Variants in MSI1 observed in about 807,000 individuals in gnomAD.
MSI1 encodes RNA-binding protein Musashi homolog 1.
MSI1 carries 15 observed loss-of-function variants against 54.4 expected under a neutral mutation model. The ratio of observed to expected loss-of-function variants is 0.28; its 90% CI spans 0.18 to 0.42. The LOEUF is 0.42. Among genes scored for constraint, MSI1 ranks in the 20% least tolerant of loss-of-function variants. MSI1 has a pLI of 1.00. For synonymous variants in MSI1, 200 were observed against 196.5 expected (o/e 1.02, Z -0.15); for missense variants, 304 against 506.0 (o/e 0.60, Z 3.83).
At position 120,368,324 on chromosome 12, in the gene MSI1, C is replaced by T; in HGVS notation, c.101-51G>A. 1 of 1,454,954 alleles carries T rather than the reference C, an allele frequency of 6.9e-7. No homozygotes were observed. 90.1% of individuals were successfully genotyped at this position (1,454,954 alleles called of 1,614,324 possible). Reference sequence around the variant, plus strand: ...CCAGCCCGGGCCCCGCGCCCTTCCCCCCCCCCCGTCCTTTGCCCCCGGTGA... The same window carrying T: ...CCAGCCCGGGCCCCGCGCCCTTCCCTCCCCCCCGTCCTTTGCCCCCGGTGA... On this transcript the variant is annotated intron_variant, in intron 2 of 14. Coordinates refer to ENST00000257552, the MANE Select transcript of MSI1 (RefSeq NM_002442.4). This position sits in a 1 kb window ranked among gnomAD's most constrained non-coding sequence, Gnocchi z 6.6.
At position 120,363,082 on chromosome 12, in the gene MSI1, C is replaced by T. The variant is rs756635174; in HGVS notation, c.363G>A (p.Thr121=). The T allele has an allele frequency of 1.5e-5, 24 of 1,614,020 alleles. No homozygotes were observed. The Admixed American group carries it at 2.5e-4, about 17-fold the overall frequency. The change falls in exon 6 of 15, where the codon ACG becomes ACA. Residue 121 remains threonine, a synonymous_variant. Coordinates refer to ENST00000257552, the MANE Select transcript of MSI1 (RefSeq NM_002442.4). The part of the protein sequence containing the change: ...IFVGGLSVNT[T]VEDVKQYFEQ... ...CAAAATATTGCTTCACGTCCTCCACCGTGGTGTTCACCGACAGCCCCCCCA... is the reference window on the plus strand; with the variant it reads ...CAAAATATTGCTTCACGTCCTCCACTGTGGTGTTCACCGACAGCCCCCCCA...
At chr12:120,353,160 T>G (rs1874783778) in intron 10 of MSI1, 139 bp downstream of exon 10, 2 of 833,690 alleles carry the variant, frequency 2.4e-6, no homozygotes, top group African/African-American at 1.7e-5. Flanking sequence ...AGAGGCCCTC[T>G]TTCCTCAGAC....
At position 120,368,168 on chromosome 12, in the gene MSI1, A is replaced by AGGAGGAGG. The variant is rs1876137441; in HGVS notation, c.182+16_182+23dup. On this transcript the variant is annotated intron_variant, in intron 3 of 14. Coordinates refer to ENST00000257552, the MANE Select transcript of MSI1 (RefSeq NM_002442.4). This position sits in a 1 kb window ranked among gnomAD's most constrained non-coding sequence, Gnocchi z 6.6. ...GGGTGGAGGGGGGCGAGCCGGGAGCAGGAGGAGGGGGTGAGGGGCTCACCT... is the reference window on the plus strand; with the variant it reads ...GGGTGGAGGGGGGCGAGCCGGGAGCAGGAGGAGGGGAGGAGGGGGTGAGGGGCTCACCT... 6.3e-7 allele frequency: 1 copy of AGGAGGAGG among 1,580,150 alleles called. No homozygotes were observed. The highest frequency in any genetic ancestry group is 1.8e-5 in the Admixed American group (1 of 55,472).
At chr12:120,357,129 A>G (rs1386799489) in intron 8 of MSI1, 110 bp from the exon 9 acceptor site, 1 of 1,006,004 alleles carries the variant, frequency 9.9e-7, no homozygotes, top group Non-Finnish European at 1.5e-6. Context: ...TCCAGCTGAA[A>G]ACTATTTCAT....
In MSI1 at chr12:120,364,853, A is replaced by G. The variant is rs1875917829; in HGVS notation, c.268-98T>C. On this transcript the variant is annotated intron_variant, in intron 4 of 14. Transcript: ENST00000257552. ...CCCTCAGGACCTCTCTCCTCCCAGG[A>G]CACAAAGGTGACAGAAATCACAAAA... 3.9e-6 allele frequency: 4 copies of G among 1,033,844 alleles called. No individual in the cohort carries two copies. In the South Asian group the frequency reaches 7.7e-5, roughly 20 times the overall value. The allele number at this position is 1,033,844 out of a possible 1,614,324, so 64.0% of individuals were successfully genotyped here. A position where few individuals can be genotyped will look rare whatever the true frequency, so the allele number is the denominator to read the frequency against.
intron 12 of MSI1, among the ~76,000 whole-genome samples, chr12:120,346,536 T>G (rs932953930): frequency 6.6e-6 from 1 of 151,920 alleles, no homozygotes; most frequent in South Asian, 2.1e-4. Flanking sequence ...CCTCACCTCC[T>G]GAGCCCCTTC....
rs111350887 is a variant in MSI1, at chr12:120,355,143, C to T, written c.652+1759G>A. ...TATCAAGGCCGGGCGCGGTGGCTCACGCCTGTAATCCCAGCACTTTGGGAG... is the reference window on the plus strand; with the variant it reads ...TATCAAGGCCGGGCGCGGTGGCTCATGCCTGTAATCCCAGCACTTTGGGAG... On this transcript the variant is annotated intron_variant, in intron 9 of 14. Transcript: ENST00000257552. Among the ~76,000 whole-genome samples the T allele has an allele frequency of 3.6e-3, 543 of 151,488 alleles. 4 individuals carry two copies. The highest frequency in any genetic ancestry group is 0.012 in the African/African-American group (516 of 41,302).
At chr12:120,358,097 A>G (rs1471969260) in intron 7 of MSI1, among the ~76,000 whole-genome samples, 199 bp from the exon 8 acceptor site, 2 of 152,220 alleles carry the variant, frequency 1.3e-5, no homozygotes, top group Non-Finnish European at 2.9e-5. Context: ...GAGGAAAATA[A>G]GGTTCAGGTA....
In MSI1 at chr12:120,341,350, T is replaced by C. The variant is rs1440483977; in HGVS notation, c.*1777A>G. ...CCAGCAACGTTTTCAAATAATTTAT[T>C]AGGAATTTAAAACTGAAAATAAAAC... is the stretch of plus-strand genomic sequence containing the variant. On this transcript the variant is annotated 3_prime_UTR_variant, in exon 15 of 15. Coordinates refer to ENST00000257552, the MANE Select transcript of MSI1 (RefSeq NM_002442.4). 2 of 152,372 alleles carry C rather than the reference T, an allele frequency of 1.3e-5. No homozygotes were observed. Among genetic ancestry groups the C allele is most frequent in the Non-Finnish European group, 2.9e-5 (2 of 68,028 alleles). The allele number at this position is 152,372 out of a possible 1,614,324, so 9.4% of individuals were successfully genotyped here.
intron 6 of MSI1, among the ~76,000 whole-genome samples, chr12:120,362,163 C>A (rs541484884): frequency 6.6e-6 from 1 of 152,030 alleles, no homozygotes; most frequent in Non-Finnish European, 1.5e-5. Flanking sequence ...ACACCTCCCC[C>A]CCCCACACAA....
downstream of MSI1, among the ~76,000 whole-genome samples, chr12:120,340,535 G>A (rs1052405237): frequency 1.8e-4 from 27 of 151,326 alleles, no homozygotes; most frequent in African/African-American, 6.6e-4. Flanking sequence ...TTTTGAGAAT[G>A]AGAGCATCTT....
Position 120,347,624 on chromosome 12 carries a change from G to A in MSI1, c.791-110C>T. 8.3e-6 allele frequency: 11 copies of A among 1,320,676 alleles called. No homozygotes were observed. In the South Asian group the frequency reaches 1.2e-4, roughly 15 times the overall value. 81.8% of individuals were successfully genotyped at this position (1,320,676 alleles called of 1,614,324 possible). A position where few individuals can be genotyped will look rare whatever the true frequency, so the allele number is the denominator to read the frequency against. ...GTCCAGCCTGGCCCTACCTCAGAGG[G>A]TTCCATGTAGCCCCAGGGTCAAGGC... is the stretch of plus-strand genomic sequence containing the variant. On this transcript the variant is annotated intron_variant, in intron 11 of 14. Coordinates refer to ENST00000257552, the MANE Select transcript of MSI1 (RefSeq NM_002442.4).
At position 120,368,308 on chromosome 12, in the gene MSI1, GC is replaced by G; in HGVS notation, c.101-36del. 1.3e-6 allele frequency: 2 copies of G among 1,519,804 alleles called. No homozygotes were observed. The highest frequency in any genetic ancestry group is 1.2e-5 in the South Asian group (1 of 82,658). 94.1% of individuals were successfully genotyped at this position (1,519,804 alleles called of 1,614,324 possible). A position where few individuals can be genotyped will look rare whatever the true frequency, so the allele number is the denominator to read the frequency against. ...CACACCCGCCTTCGGACCAGCCCGGGCCCCGCGCCCTTCCCCCCCCCCCGTC... is the reference window on the plus strand; with the variant it reads ...CACACCCGCCTTCGGACCAGCCCGGGCCCGCGCCCTTCCCCCCCCCCCGTC... On this transcript the variant is annotated intron_variant, in intron 2 of 14. Transcript: ENST00000257552. This position sits in a 1 kb window ranked among gnomAD's most constrained non-coding sequence, Gnocchi z 6.6.
At chr12:120,359,189 A>G in intron 6 of MSI1, 136 bp from the exon 7 acceptor site, 1 of 1,015,130 alleles carries the variant, frequency 9.9e-7, no homozygotes. Context: ...TGCACAGGGG[A>G]CAACTTTCCT....
At chr12:120,345,017 A>C (rs1184855788) in intron 14 of MSI1, among the ~76,000 whole-genome samples, 1 of 151,876 alleles carries the variant, frequency 6.6e-6, no homozygotes, top group African/African-American at 2.4e-5. Flanking sequence ...TCCATCTACA[A>C]AAATAAAATA....
intron 8 of MSI1, 63 bp downstream of exon 8, chr12:120,357,753 A>G: frequency 6.5e-7 from 1 of 1,527,400 alleles, no homozygotes; most frequent in Non-Finnish European, 9.0e-7. Flanking sequence ...TAATCTGCCC[A>G]CCTCAACCTC....
chr12:120,340,089 C>CTTTTT (rs11399604), downstream of MSI1, among the ~76,000 whole-genome samples: 4 of 144,732 alleles, frequency 2.8e-5, no homozygotes. Context: ...GCCAAAATAG[C>CTTTTT]TTTTTTTTTT....
intron 9 of MSI1, among the ~76,000 whole-genome samples, chr12:120,354,992 G>A (rs1207713358): frequency 2.4e-5 from 3 of 123,748 alleles, no homozygotes; most frequent in African/African-American, 9.7e-5. Flanking sequence ...CCAGGAGTTC[G>A]AGACCAGCTG....
At chr12:120,347,656 G>T in intron 11 of MSI1, 142 bp from the exon 12 acceptor site, 1 of 906,314 alleles carries the variant, frequency 1.1e-6, no homozygotes, top group East Asian at 2.5e-5. Flanking sequence ...AGGCAGAAAA[G>T]GCTACCTTGG....
Sources: gnomAD v4.1 joint callset for allele counts (sites outside exome capture counted in the v4.1 genomes callset) on GRCh38, gnomAD v4.1.1 for gene constraint, Gnocchi (gnomAD v3.1) non-coding constraint, MANE v1.5 for transcripts, NCBI Gene and HGNC (gene_info 2026-07-23, HGNC 2026-07-21) for gene names.